The following RSU1 variants were observed in gnomAD, a reference collection of about 807,000 sequenced individuals.
The protein encoded by RSU1 is Ras suppressor protein 1.
Under a neutral mutation model 31.1 loss-of-function variants are expected in RSU1, and 26 were observed. The observed-to-expected ratio is 0.84, with a 90% confidence interval of 0.61 to 1.16. The LOEUF (loss-of-function observed/expected upper bound fraction) is 1.16. RSU1 is among the 50% of genes most tolerant of loss of function. RSU1 has a pLI of 0.00. For synonymous variants in RSU1, 164 were observed against 136.3 expected, an observed-to-expected ratio of 1.20 and a Z score of -1.41; for missense variants, 320 against 339.1, an observed-to-expected ratio of 0.94 and a Z score of 0.44.
At chr10:16,761,642 G>A (rs530550508) in intron 4 of RSU1, among the ~76,000 whole-genome samples, 22 of 152,202 alleles carry the variant, frequency 1.4e-4, no homozygotes, top group African/African-American at 5.3e-4. Flanking sequence ...GGATCATGAG[G>A]TCAGGAGATA....
At chr10:16,775,893 T>C (rs1198349701) in intron 3 of RSU1, among the ~76,000 whole-genome samples, 1 of 152,254 alleles carries the variant, frequency 6.6e-6, no homozygotes, top group Non-Finnish European at 1.5e-5. Context: ...CTCTGTATTA[T>C]AAACACATTT....
chr10:16,725,818 A>T (rs1034728820), intron 7 of RSU1, among the ~76,000 whole-genome samples: 8 of 147,484 alleles, frequency 5.4e-5, no homozygotes, highest in African/African-American at 2.0e-4. Context: ...ACCAGCACAA[A>T]ATGGACTAAG....
At chr10:16,744,484 A>C (rs1278854445) in intron 7 of RSU1, among the ~76,000 whole-genome samples, 5 of 152,258 alleles carry the variant, frequency 3.3e-5, no homozygotes, top group Non-Finnish European at 5.9e-5. Flanking sequence ...TAATGTTGTC[A>C]CTTGCAGAGA....
chr10:16,803,178 C>T (rs999337051), intron 2 of RSU1, among the ~76,000 whole-genome samples: 2 of 151,970 alleles, frequency 1.3e-5, no homozygotes, highest in Non-Finnish European at 2.9e-5. Context: ...AGCAAGTTTG[C>T]AGGATACAAG....
chr10:16,596,360 AGATCCCTCCAT>A (rs1387100240), intron 8 of RSU1, among the ~76,000 whole-genome samples: 1 of 152,210 alleles, frequency 6.6e-6, no homozygotes, highest in Non-Finnish European at 1.5e-5. Flanking sequence ...TGCTCAAAGT[AGATCCCTCCAT>A]TCTATTCCTC....
chr10:16,786,608 C>T (rs1837796639), intron 2 of RSU1, among the ~76,000 whole-genome samples: 1 of 152,136 alleles, frequency 6.6e-6, no homozygotes, highest in Admixed American at 6.5e-5. Context: ...GAATAACACA[C>T]TCCTAACACC....
At chr10:16,778,294 C>A (rs1344871834) in intron 3 of RSU1, among the ~76,000 whole-genome samples, 2 of 152,088 alleles carry the variant, frequency 1.3e-5, no homozygotes, top group Non-Finnish European at 2.9e-5. Context: ...TCTGTGGCAG[C>A]CACATCTACT....
intron 7 of RSU1, among the ~76,000 whole-genome samples, chr10:16,740,933 T>C (rs1005892358): frequency 6.6e-6 from 1 of 152,174 alleles, no homozygotes; most frequent in African/African-American, 2.4e-5. Flanking sequence ...AAACACAAGT[T>C]GGCTTCTTTG....
chr10:16,670,551 C>T (rs967941554), intron 8 of RSU1, among the ~76,000 whole-genome samples: 4 of 152,130 alleles, frequency 2.6e-5, no homozygotes, highest in African/African-American at 7.2e-5. Flanking sequence ...GAGGACTTGG[C>T]CACAGGAAGG....
chr10:16,783,967 A>G (rs530726050), intron 2 of RSU1, among the ~76,000 whole-genome samples: 2 of 152,310 alleles, frequency 1.3e-5, no homozygotes, highest in African/African-American at 4.8e-5. Context: ...CGCTGCAGGT[A>G]GCTGTCAGGT....
chr10:16,801,770 A>C (rs561948399), intron 2 of RSU1, among the ~76,000 whole-genome samples: 17 of 152,290 alleles, frequency 1.1e-4, no homozygotes, highest in Admixed American at 9.8e-4. Flanking sequence ...CATTAACAAC[A>C]TATTTCTAAA....
intron 2 of RSU1, among the ~76,000 whole-genome samples, chr10:16,785,264 G>A (rs534224550): frequency 5.9e-5 from 9 of 151,996 alleles, no homozygotes; most frequent in East Asian, 1.9e-4. Context: ...CGCTGCCCTC[G>A]AATGTTGGAC....
intron 7 of RSU1, among the ~76,000 whole-genome samples, chr10:16,740,565 A>G (rs779952582): frequency 3.3e-5 from 5 of 152,240 alleles, no homozygotes; most frequent in Non-Finnish European, 7.3e-5. Context: ...GCTCTCATAA[A>G]GAGAAAATTC....
chr10:16,632,467 A>G (rs1834269214), intron 8 of RSU1, among the ~76,000 whole-genome samples: 1 of 152,216 alleles, frequency 6.6e-6, no homozygotes. Context: ...CTTTTAAAAA[A>G]AAGCTCCTAA....
intron 4 of RSU1, among the ~76,000 whole-genome samples, chr10:16,755,596 T>C (rs2131622823): frequency 6.6e-6 from 1 of 152,276 alleles, no homozygotes; most frequent in East Asian, 1.9e-4. Flanking sequence ...TTTTTTTGTC[T>C]TTTGTGGTGA....
chr10:16,807,127 C>A (rs1303365492), intron 2 of RSU1, among the ~76,000 whole-genome samples: 1 of 152,212 alleles, frequency 6.6e-6, no homozygotes, highest in Non-Finnish European at 1.5e-5. Flanking sequence ...ACATAGACCA[C>A]CATTCAAACA....
chr10:16,799,524 C>A (rs1279775851), intron 2 of RSU1, among the ~76,000 whole-genome samples: 3 of 151,740 alleles, frequency 2.0e-5, no homozygotes, highest in African/African-American at 7.3e-5. Flanking sequence ...ACAACAACAA[C>A]AAAAACAACA....
intron 8 of RSU1, among the ~76,000 whole-genome samples, chr10:16,683,404 A>G (rs1356903710): frequency 6.6e-6 from 1 of 152,186 alleles, no homozygotes; most frequent in Non-Finnish European, 1.5e-5. Flanking sequence ...TATAAGGTTC[A>G]TGGTATTAAA....
At chr10:16,635,796 G>A (rs1381938500) in intron 8 of RSU1, among the ~76,000 whole-genome samples, 1 of 152,170 alleles carries the variant, frequency 6.6e-6, no homozygotes, top group African/African-American at 2.4e-5. Flanking sequence ...TACCCATCAC[G>A]GGTAAGCTTC....
Sources: allele counts gnomAD v4.1 joint callset (sites outside exome capture counted in the v4.1 genomes callset), GRCh38; gene constraint gnomAD v4.1.1; transcripts MANE v1.5; gene names NCBI Gene and HGNC (gene_info 2026-07-23, HGNC 2026-07-21).